The following DCDC2 variants were observed in gnomAD, a reference collection of about 807,000 sequenced individuals.
The protein encoded by DCDC2 is doublecortin domain-containing protein 2.
In DCDC2, 40 loss-of-function variants were observed where a neutral mutation model predicts 50.2. The ratio of observed to expected loss-of-function variants is 0.80; its 90% confidence interval spans 0.62 to 1.04. The LOEUF is 1.04. Ranked by LOEUF, DCDC2 falls within the 50% of genes least tolerant of loss-of-function variation. DCDC2 has a pLI of 0.00. For synonymous variants in DCDC2, 234 were observed against 210.6 expected (o/e 1.11, Z -0.96); for missense variants, 570 against 581.9 (o/e 0.98, Z 0.21).
At chr6:24,297,979 G>T (rs1414356268) in intron 4 of DCDC2, among the ~76,000 whole-genome samples, 6 of 152,152 alleles carry the variant, frequency 3.9e-5, no homozygotes, top group Non-Finnish European at 8.8e-5. Context: ...ATCAGAAAAG[G>T]CCAATTTCCC....
chr6:24,360,898 A>C (rs1034762862), upstream of DCDC2, among the ~76,000 whole-genome samples: 1 of 152,184 alleles, frequency 6.6e-6, no homozygotes, highest in African/African-American at 2.4e-5. Flanking sequence ...GGGTAGAGAA[A>C]TCAAAGACAT....
intron 7 of DCDC2, among the ~76,000 whole-genome samples, chr6:24,206,944 G>C (rs928980665): frequency 9.9e-5 from 15 of 152,058 alleles, no homozygotes; most frequent in African/African-American, 3.4e-4. Context: ...ACAGCACAGA[G>C]CAAGAAATGA....
At chr6:24,279,098 G>A (rs866493720) in intron 6 of DCDC2, among the ~76,000 whole-genome samples, 3 of 152,162 alleles carry the variant, frequency 2.0e-5, no homozygotes, top group Admixed American at 6.5e-5. Flanking sequence ...GTTGAGTTTC[G>A]GTGGCTTTTA....
At chr6:24,381,803 A>AAGGAAGGAAGGAAGGAAGG in the DCDC2 span, among the ~76,000 whole-genome samples, 1 of 67,262 alleles carries the variant, frequency 1.5e-5, no homozygotes. Flanking sequence ...GGAAGGAAAG[A>AAGGAAGGAAGGAAGGAAGG]AAGGAAGGAA....
the DCDC2 span, among the ~76,000 whole-genome samples, chr6:24,381,665 C>T: frequency 1.1e-4 from 16 of 151,994 alleles, no homozygotes; most frequent in Non-Finnish European, 1.8e-4. Context: ...TATTTAAAAG[C>T]GGGGTGCCAT....
chr6:24,262,840 A>G lies in DCDC2; in HGVS notation c.922+15209T>C, dbSNP rs1478097273. 2.6e-5 allele frequency among the ~76,000 whole-genome samples: 4 copies of G among 152,336 alleles called. No individual in the cohort carries two copies. In the South Asian group the frequency reaches 6.2e-4, roughly 24 times the overall value. ...GACATGGGTCTGGCTGGGTTCACCA[A>G]CTGCTGACTGAACAGCCCCTGGGCC... On this transcript the variant is annotated intron_variant, in intron 7 of 9. Coordinates refer to ENST00000378454, the MANE Select transcript of DCDC2 (RefSeq NM_016356.5).
At chr6:24,343,426 C>A (rs2082655616) in intron 2 of DCDC2, among the ~76,000 whole-genome samples, 1 of 152,184 alleles carries the variant, frequency 6.6e-6, no homozygotes, top group South Asian at 2.1e-4. Flanking sequence ...TTTGTCTTCC[C>A]TGGCTAGACA....
intron 2 of DCDC2, among the ~76,000 whole-genome samples, chr6:24,323,536 C>A (rs1036350983): frequency 1.3e-5 from 2 of 152,084 alleles, no homozygotes; most frequent in African/African-American, 4.8e-5. Flanking sequence ...ACAAAGAATT[C>A]TCTGTAAGTT....
intron 2 of DCDC2, among the ~76,000 whole-genome samples, chr6:24,342,351 A>G (rs866007238): frequency 6.6e-6 from 1 of 152,230 alleles, no homozygotes; most frequent in Non-Finnish European, 1.5e-5. Context: ...AAATCACAGC[A>G]TCGCATGTTT....
intron 2 of DCDC2, among the ~76,000 whole-genome samples, chr6:24,324,890 AAAAC>A (rs1759830540): frequency 6.6e-6 from 1 of 152,026 alleles, no homozygotes; most frequent in Non-Finnish European, 1.5e-5. Flanking sequence ...CTAAAAAAAA[AAAAC>A]AAAGAAAGAC....
chr6:24,233,186 G>A (rs1221818628), intron 7 of DCDC2, among the ~76,000 whole-genome samples: 1 of 152,156 alleles, frequency 6.6e-6, no homozygotes, highest in Non-Finnish European at 1.5e-5. Context: ...ATACTGTTAG[G>A]TTCATTTCCA....
rs183274728 is a variant in DCDC2, at chr6:24,315,320, G to A, written c.349-13276C>T. ...CACCAGCCTTTACTGCAGTGGTTGA[G>A]GACATCTGAAGAACCCCAATGCAGA... On this transcript the variant is annotated intron_variant, in intron 2 of 9. Coordinates refer to ENST00000378454, the MANE Select transcript of DCDC2 (RefSeq NM_016356.5). Among the ~76,000 whole-genome samples, 24 of 152,184 alleles carry A rather than the reference G, an allele frequency of 1.6e-4. No individual in the cohort carries two copies. The East Asian group carries it at 4.3e-3, about 27-fold the overall frequency.
intron 4 of DCDC2, among the ~76,000 whole-genome samples, chr6:24,297,672 T>C (rs10946689): frequency 0.52 from 79,588 of 152,012 alleles, 25,359 homozygotes; most frequent in East Asian, 0.78. Context: ...GGATTTACAT[T>C]TATGTATATG....
intron 7 of DCDC2, among the ~76,000 whole-genome samples, chr6:24,225,725 A>AAT (rs1221248691): frequency 6.6e-6 from 1 of 151,138 alleles, no homozygotes; most frequent in Non-Finnish European, 1.5e-5. Context: ...GACACACACA[A>AAT]ATATAATGTC....
At chr6:24,297,678 A>G (rs1759282415) in intron 4 of DCDC2, among the ~76,000 whole-genome samples, 1 of 152,132 alleles carries the variant, frequency 6.6e-6, no homozygotes, top group East Asian at 1.9e-4. Context: ...ACATTTATGT[A>G]TATGTCAAAT....
chr6:24,285,593 T>G (rs920553325), intron 6 of DCDC2, among the ~76,000 whole-genome samples: 1 of 152,262 alleles, frequency 6.6e-6, no homozygotes, highest in East Asian at 1.9e-4. Context: ...AATCATCAGA[T>G]GAATTGATGT....
chr6:24,306,871 A>G (rs1338429855), intron 2 of DCDC2, among the ~76,000 whole-genome samples: 2 of 152,228 alleles, frequency 1.3e-5, no homozygotes, highest in Non-Finnish European at 2.9e-5. Context: ...TCAACATTCA[A>G]GTTAAAAGCT....
chr6:24,335,105 T>C (rs1760033247), intron 2 of DCDC2, among the ~76,000 whole-genome samples: 1 of 152,168 alleles, frequency 6.6e-6, no homozygotes, highest in Non-Finnish European at 1.5e-5. Context: ...ATGTAAACTA[T>C]CAGTCATCTC....
At chr6:24,258,098 C>G (rs571361534) in intron 7 of DCDC2, among the ~76,000 whole-genome samples, 9 of 152,152 alleles carry the variant, frequency 5.9e-5, no homozygotes, top group Non-Finnish European at 1.0e-4. Flanking sequence ...CGGGTGGGTT[C>G]GTGGTCTCGC....
Sources: gnomAD v4.1 joint callset for allele counts (sites outside exome capture counted in the v4.1 genomes callset) on GRCh38, gnomAD v4.1.1 for gene constraint, MANE v1.5 for transcripts, NCBI Gene and HGNC (gene_info 2026-07-23, HGNC 2026-07-21) for gene names.